The following RNF167 variants were observed in gnomAD, a reference collection of about 807,000 sequenced individuals.
RNF167 encodes the protein ring finger protein 167, also known as E3 ubiquitin-protein ligase RNF167.
In RNF167, 19 loss-of-function variants were observed where a neutral mutation model predicts 34.8. That is an observed-to-expected ratio of 0.55 (90% CI 0.38 to 0.80). The LOEUF is 0.80. Ranked by LOEUF, RNF167 falls within the 30% of genes least tolerant of loss-of-function variation. The pLI is 0.00. For synonymous variants in RNF167, 200 were observed against 170.4 expected, an observed-to-expected ratio of 1.17 and a Z score of -1.35; for missense variants, 464 against 447.0, an observed-to-expected ratio of 1.04 and a Z score of -0.34.
Position 4,944,940 on chromosome 17 carries a change from C to T in RNF167, c.977C>T (p.Pro326Leu). Residue 326 changes from proline (P) to leucine (L), a missense_variant, in exon 10 of 10, where the codon CCA (proline) becomes CTA (leucine). Pro to Leu is a moderately conservative substitution (Grantham distance 98, BLOSUM62 -3). Coordinates refer to ENST00000262482, the MANE Select transcript of RNF167 (RefSeq NM_015528.3). ...CCCACCTCCTTTGGTTCCTTAGCCC[C>T]AGCTCCCCTTGTTTTTCCTGGGCCT... ...TLPTSFGSLA[P>L]APLVFPGPST... 6.2e-7 allele frequency: 1 copy of T among 1,607,310 alleles called. No individual in the cohort carries two copies. The highest frequency in any genetic ancestry group is 8.5e-7 in the Non-Finnish European group (1 of 1,176,942).
In RNF167 at chr17:4,945,110, C is replaced by G; in HGVS notation, c.*94C>G. The G allele has an allele frequency of 8.4e-7, 1 of 1,196,130 alleles. No individual in the cohort carries two copies. Among genetic ancestry groups the G allele is most frequent in the Middle Eastern group, 2.4e-4 (1 of 4,120 alleles). The allele number at this position is 1,196,130 out of a possible 1,614,324, so 74.1% of individuals were successfully genotyped here. ...GGGATAGGGGACATTCCATCCCAAG[C>G]TTCTCCCTTACCCACACCTATCCTT... On this transcript the variant is annotated 3_prime_UTR_variant, in exon 10 of 10. Coordinates refer to ENST00000262482, the MANE Select transcript of RNF167 (RefSeq NM_015528.3).
chr17:4,941,170 CTTTT>C lies in RNF167; in HGVS notation c.165+14_165+17del. ...GGAGGGCCTCCAGGTGATTTTCTTT[CTTTT>C]CTTTTCCTCCTTCCCTCCCTTCCTT... On this transcript the variant is annotated intron_variant, in intron 3 of 9. Transcript: ENST00000262482. 7 of 1,608,446 alleles carry C rather than the reference CTTTT, an allele frequency of 4.4e-6. No homozygotes were observed. The highest frequency in any genetic ancestry group is 5.1e-6 in the Non-Finnish European group (6 of 1,174,978).
In RNF167 at chr17:4,940,975, C is replaced by T. The variant is rs1404381091; in HGVS notation, c.66C>T (p.Thr22=). The change falls in exon 2 of 10, where the codon ACC becomes ACT. Residue 22 remains threonine (T), a synonymous_variant. Coordinates refer to ENST00000262482, the MANE Select transcript of RNF167 (RefSeq NM_015528.3). ...VAAVLWGAAP[T]RGLIRATSDH... ...CTGTGCTGTGGGGAGCGGCCCCGACCCGGGGGCTCATTCGAGCGGTGAGTC... is the reference window on the plus strand; with the variant it reads ...CTGTGCTGTGGGGAGCGGCCCCGACTCGGGGGCTCATTCGAGCGGTGAGTC... 1.2e-6 allele frequency: 2 copies of T among 1,612,326 alleles called. No individual in the cohort carries two copies. Among genetic ancestry groups the T allele is most frequent in the Non-Finnish European group, 1.7e-6 (2 of 1,178,732 alleles).
At position 4,945,097 on chromosome 17, in the gene RNF167, A is replaced by G. The variant is rs1010591064; in HGVS notation, c.*81A>G. The G allele has an allele frequency of 1.1e-4, 137 of 1,281,578 alleles. No individual in the cohort carries two copies. The highest frequency in any genetic ancestry group is 8.7e-4 in the Middle Eastern group (4 of 4,600). The allele number at this position is 1,281,578 out of a possible 1,614,324, so 79.4% of individuals were successfully genotyped here. A position where few individuals can be genotyped will look rare whatever the true frequency, so the allele number is the denominator to read the frequency against. On this transcript the variant is annotated 3_prime_UTR_variant, in exon 10 of 10. Transcript: ENST00000262482. Reference sequence around the variant, plus strand: ...TCCAGTCTTCTGAGGGATAGGGGACATTCCATCCCAAGCTTCTCCCTTACC... The same window carrying G: ...TCCAGTCTTCTGAGGGATAGGGGACGTTCCATCCCAAGCTTCTCCCTTACC...
In RNF167 at chr17:4,940,617, C is replaced by A. The variant is rs1970695371; in HGVS notation, c.-293C>A. Reference sequence around the variant, plus strand: ...TCCCACCTCCTTGAGCTCCGCCACCCTTCCCGAAGTTTTTCTGTCACCTGT... The same window carrying A: ...TCCCACCTCCTTGAGCTCCGCCACCATTCCCGAAGTTTTTCTGTCACCTGT... On this transcript the variant is annotated 5_prime_UTR_variant, in exon 2 of 10. Transcript: ENST00000262482. 2 of 337,640 alleles carry A rather than the reference C, an allele frequency of 5.9e-6. No individual in the cohort carries two copies. The highest frequency in any genetic ancestry group is 1.1e-5 in the Non-Finnish European group (2 of 186,548). 20.9% of individuals were successfully genotyped at this position (337,640 alleles called of 1,614,324 possible).
chr17:4,940,814 G>T lies in RNF167; in HGVS notation c.-96G>T. The T allele has an allele frequency of 8.4e-7, 1 of 1,188,612 alleles. No homozygotes were observed. 73.6% of individuals were successfully genotyped at this position (1,188,612 alleles called of 1,614,324 possible). On this transcript the variant is annotated 5_prime_UTR_variant, in exon 2 of 10. Transcript: ENST00000262482. Reference sequence around the variant, plus strand: ...GGGACCTGGGGGTGGTTGGACCCCTGGGATCCTAAAGGAGGGGCAGGGAGG... The same window carrying T: ...GGGACCTGGGGGTGGTTGGACCCCTTGGATCCTAAAGGAGGGGCAGGGAGG...
chr17:4,943,544 G>A lies in RNF167; in HGVS notation c.670+25G>A, dbSNP rs1281081611. ...GGTGAGGGGGTTAGGGGAGAAGAGG[G>A]CTTTTCCCACAGTTTACCTGGTTCT... On this transcript the variant is annotated intron_variant, in intron 8 of 9. Transcript: ENST00000262482. 3 of 1,558,846 alleles carry A rather than the reference G, an allele frequency of 1.9e-6. 1 individual carries two copies. The Admixed American group carries it at 5.1e-5, about 26-fold the overall frequency.
rs1295993899 is a variant in RNF167, at chr17:4,943,426, A to G, written c.577A>G (p.Ile193Val). Residue 193 changes from isoleucine (I) to valine (V), a missense_variant and splice_region_variant, in exon 8 of 10, where the codon ATA (isoleucine) becomes GTA (valine). Physicochemically the swap from Ile to Val is conservative, Grantham distance 29 (BLOSUM62 3). Coordinates refer to ENST00000262482, the MANE Select transcript of RNF167 (RefSeq NM_015528.3). The stretch of plus-strand genomic sequence containing the variant: ...GTCCATCCACCCCCGCTTCCCCCAG[A>G]TAGCTCGTTGTATCCAGCACCGGAA... ...LLVLAMGAVM[I>V]ARCIQHRKRL... 1 of 1,613,696 alleles carries G rather than the reference A, an allele frequency of 6.2e-7. No homozygotes were observed.
At chr17:4,942,522 A>C in intron 4 of RNF167, 55 bp from the exon 5 acceptor site, 2 of 1,613,406 alleles carry the variant, frequency 1.2e-6, no homozygotes, top group Non-Finnish European at 1.7e-6. Context: ...AGGCACCAGG[A>C]ATGAAGACAG....
intron 8 of RNF167, among the ~76,000 whole-genome samples, chr17:4,943,853 A>C (rs1162265418): frequency 1.3e-5 from 2 of 152,204 alleles, no homozygotes; most frequent in African/African-American, 4.8e-5. Flanking sequence ...TTAGCTGGGC[A>C]TGGTGGTGTG....
Position 4,945,109 on chromosome 17 carries a change from G to C in RNF167, c.*93G>C. 1.7e-6 allele frequency: 2 copies of C among 1,201,844 alleles called. No homozygotes were observed. The highest frequency in any genetic ancestry group is 2.3e-6 in the Non-Finnish European group (2 of 870,226). 74.4% of individuals were successfully genotyped at this position (1,201,844 alleles called of 1,614,324 possible). A position where few individuals can be genotyped will look rare whatever the true frequency, so the allele number is the denominator to read the frequency against. On this transcript the variant is annotated 3_prime_UTR_variant, in exon 10 of 10. Coordinates refer to ENST00000262482, the MANE Select transcript of RNF167 (RefSeq NM_015528.3). ...AGGGATAGGGGACATTCCATCCCAAGCTTCTCCCTTACCCACACCTATCCT... is the reference window on the plus strand; with the variant it reads ...AGGGATAGGGGACATTCCATCCCAACCTTCTCCCTTACCCACACCTATCCT...
intron 8 of RNF167, 171 bp from the exon 9 acceptor site, chr17:4,944,386 TC>T (rs1971164814): frequency 7.4e-7 from 1 of 1,353,376 alleles, no homozygotes; most frequent in Non-Finnish European, 9.5e-7. Flanking sequence ...TCTTTGCTTG[TC>T]CCTTCTAGCC....
Position 4,940,976 on chromosome 17 carries a change from C to G in RNF167, c.67C>G (p.Arg23Gly), listed in dbSNP as rs761978619. The G allele has an allele frequency of 6.8e-6, 11 of 1,612,426 alleles. No homozygotes were observed. Among genetic ancestry groups the G allele is most frequent in the Non-Finnish European group, 9.3e-6 (11 of 1,178,724 alleles). The change falls in exon 2 of 10, where the codon CGG (arginine) becomes GGG (glycine). Residue 23 changes from arginine (R) to glycine (G), a missense_variant. Arg to Gly is a moderately radical substitution (Grantham distance 125). Transcript: ENST00000262482. ...AAVLWGAAPT[R>G]GLIRATSDHN... Reference sequence around the variant, plus strand: ...TGTGCTGTGGGGAGCGGCCCCGACCCGGGGGCTCATTCGAGCGGTGAGTCT... The same window carrying G: ...TGTGCTGTGGGGAGCGGCCCCGACCGGGGGGCTCATTCGAGCGGTGAGTCT...
At position 4,942,322 on chromosome 17, in the gene RNF167, G is replaced by T; in HGVS notation, c.166-19G>T. 6.2e-7 allele frequency: 1 copy of T among 1,612,074 alleles called. No individual in the cohort carries two copies. Among genetic ancestry groups the T allele is most frequent in the Middle Eastern group, 1.7e-4 (1 of 5,840 alleles). ...TCTAGAAAGGAGAAATCTCACTGTT[G>T]TTTGCTTCCATCCTTCAGGGGTTCC... On this transcript the variant is annotated intron_variant, in intron 3 of 9. Coordinates refer to ENST00000262482, the MANE Select transcript of RNF167 (RefSeq NM_015528.3).
At chr17:4,944,277 A>G in intron 8 of RNF167, 1 of 483,886 alleles carries the variant, frequency 2.1e-6, no homozygotes, top group African/African-American at 2.1e-5. Context: ...GTGCCCGTAT[A>G]AGGCTGTGGC....
Position 4,944,797 on chromosome 17 carries a change from T to C in RNF167, c.834T>C (p.Gly278=). 1 of 1,612,120 alleles carries C rather than the reference T, an allele frequency of 6.2e-7. No individual in the cohort carries two copies. The highest frequency in any genetic ancestry group is 8.5e-7 in the Non-Finnish European group (1 of 1,179,006). Residue 278 remains glycine (G), a synonymous_variant, in exon 10 of 10, where the codon GGT becomes GGC. Transcript: ENST00000262482. Reference sequence around the variant, plus strand: ...TTTGCAAGCAGCCTGTTCATCGGGGTCCTGGGGACGAAGACCAAGAGGAAG... The same window carrying C: ...TTTGCAAGCAGCCTGTTCATCGGGGCCCTGGGGACGAAGACCAAGAGGAAG... ...CPICKQPVHR[G]PGDEDQEEET...
At chr17:4,944,273 G>C (rs548261863) in intron 8 of RNF167, 3 of 458,062 alleles carry the variant, frequency 6.5e-6, no homozygotes, top group Non-Finnish European at 9.6e-6. Flanking sequence ...TCCAGTGCCC[G>C]TATAAGGCTG....
At position 4,944,581 on chromosome 17, in the gene RNF167, A is replaced by G. The variant is rs1971192407; in HGVS notation, c.694A>G (p.Ile232Val). 1 of 1,607,020 alleles carries G rather than the reference A, an allele frequency of 6.2e-7. No individual in the cohort carries two copies. Among genetic ancestry groups the G allele is most frequent in the African/African-American group, 1.3e-5 (1 of 74,652 alleles). The change falls in exon 9 of 10, where the codon ATT becomes GTT. Residue 232 changes from isoleucine (I) to valine (V), a missense_variant. Ile to Val is a conservative substitution (Grantham distance 29). Transcript: ENST00000262482. Reference protein sequence around the residue: ...QKGDQYDVCAICLDEYEDGDK... With the variant: ...QKGDQYDVCAVCLDEYEDGDK... Reference sequence around the variant, plus strand: ...AGGAGACCAGTATGATGTCTGTGCCATTTGCCTGGATGAATATGAGGATGG... The same window carrying G: ...AGGAGACCAGTATGATGTCTGTGCCGTTTGCCTGGATGAATATGAGGATGG...
Position 4,941,136 on chromosome 17 carries a change from C to T in RNF167, c.144C>T (p.Thr48=), listed in dbSNP as rs1391366822. ...FADLPALFGA[T]LSQEGLQGFL... ...ACCTTCCAGCTCTGTTTGGGGCTAC[C>T]TTGAGCCAGGAGGGCCTCCAGGTGA... Residue 48 remains threonine (T), a synonymous_variant, in exon 3 of 10, where the codon ACC becomes ACT. Coordinates refer to ENST00000262482, the MANE Select transcript of RNF167 (RefSeq NM_015528.3). 14 of 1,614,184 alleles carry T rather than the reference C, an allele frequency of 8.7e-6. 1 individual carries two copies. In the East Asian group the frequency reaches 2.7e-4, roughly 31 times the overall value.
Sources: gnomAD v4.1 joint callset for allele counts (sites outside exome capture counted in the v4.1 genomes callset) on GRCh38, gnomAD v4.1.1 for gene constraint, MANE v1.5 for transcripts, NCBI Gene and HGNC (gene_info 2026-07-23, HGNC 2026-07-21) for gene names.